Variants in ZNF804B observed in about 807,000 individuals in gnomAD.
ZNF804B encodes the protein zinc finger protein 804B.
In ZNF804B, 80 loss-of-function variants were observed where a neutral mutation model predicts 101.4. The ratio of observed to expected loss-of-function variants is 0.79; its 90% CI spans 0.66 to 0.95. The LOEUF (loss-of-function observed/expected upper bound fraction) is 0.95, where lower values mean the gene tolerates loss of function less well. Among genes scored for constraint, ZNF804B ranks in the 40% least tolerant of loss-of-function variants. The pLI is 0.00. For missense variants in ZNF804B, 1,673 were observed against 1,561.9 expected (o/e 1.07, Z -1.20); for synonymous variants, 622 against 558.8 (o/e 1.11, Z -1.59).
At chr7:89,147,467 ATTAAATCATTGTT>A (rs1380362090) in intron 1 of ZNF804B, among the ~76,000 whole-genome samples, 1 of 152,132 alleles carries the variant, frequency 6.6e-6, no homozygotes, top group Non-Finnish European at 1.5e-5. Context: ...TTCATGTTGA[ATTAAATCATTGTT>A]TTAAATTATT....
At chr7:88,769,500 T>C (rs1790031836) in intron 1 of ZNF804B, among the ~76,000 whole-genome samples, 1 of 152,224 alleles carries the variant, frequency 6.6e-6, no homozygotes, top group African/African-American at 2.4e-5. Flanking sequence ...TGAAGACTGG[T>C]ATATATAAAT....
intron 2 of ZNF804B, among the ~76,000 whole-genome samples, chr7:89,313,259 G>A (rs1252026686): frequency 6.6e-6 from 1 of 152,114 alleles, no homozygotes; most frequent in African/African-American, 2.4e-5. Context: ...TTAAAATTAG[G>A]TTAATAATTT....
At chr7:89,127,308 GTC>G (rs1790487638) in intron 1 of ZNF804B, among the ~76,000 whole-genome samples, 1 of 151,762 alleles carries the variant, frequency 6.6e-6, no homozygotes, top group African/African-American at 2.4e-5. Context: ...TTTGTTTTTG[GTC>G]TGTTTTTCAA....
intron 1 of ZNF804B, among the ~76,000 whole-genome samples, chr7:88,822,046 C>T (rs572296976): frequency 6.6e-6 from 1 of 152,224 alleles, no homozygotes; most frequent in Non-Finnish European, 1.5e-5. Flanking sequence ...GTCATTGACT[C>T]CTGTACAAAT....
At chr7:88,974,099 A>G (rs1013039602) in intron 1 of ZNF804B, among the ~76,000 whole-genome samples, 4 of 151,420 alleles carry the variant, frequency 2.6e-5, no homozygotes, top group Middle Eastern at 3.4e-3. Flanking sequence ...TAGGGGATAT[A>G]TAGGGATTCC....
At chr7:89,282,026 C>A (rs935811553) in intron 2 of ZNF804B, among the ~76,000 whole-genome samples, 1 of 151,532 alleles carries the variant, frequency 6.6e-6, no homozygotes, top group Non-Finnish European at 1.5e-5. Context: ...ACGGTGAAAC[C>A]CCGTCTCTAC....
chr7:89,100,087 CTTGGG>C (rs1790031879), intron 1 of ZNF804B, among the ~76,000 whole-genome samples: 2 of 151,974 alleles, frequency 1.3e-5, no homozygotes, highest in Admixed American at 6.6e-5. Flanking sequence ...CAGTTTTTCC[CTTGGG>C]AAAAATGACA....
intron 2 of ZNF804B, among the ~76,000 whole-genome samples, chr7:89,232,764 A>C (rs148512943): frequency 6.6e-6 from 1 of 152,186 alleles, no homozygotes; most frequent in East Asian, 1.9e-4. Flanking sequence ...TATTTTTCTC[A>C]GTAAGTCTAG....
intron 1 of ZNF804B, among the ~76,000 whole-genome samples, chr7:88,855,688 G>C (rs919422052): frequency 8.5e-5 from 13 of 152,220 alleles, no homozygotes; most frequent in Admixed American, 7.2e-4. Context: ...CCATGCCTAT[G>C]TCCTGAATGG....
chr7:88,996,285 A>G (rs1032525544), intron 1 of ZNF804B, among the ~76,000 whole-genome samples: 1 of 152,078 alleles, frequency 6.6e-6, no homozygotes, highest in African/African-American at 2.4e-5. Context: ...TAGTGACCCT[A>G]TGTTATATAT....
intron 1 of ZNF804B, among the ~76,000 whole-genome samples, chr7:88,781,411 AC>A (rs1328368663): frequency 6.6e-6 from 1 of 151,850 alleles, no homozygotes; most frequent in African/African-American, 2.4e-5. Flanking sequence ...CAGCCTACTG[AC>A]TCCTTGTTGT....
chr7:89,128,523 A>T (rs1362846502), intron 1 of ZNF804B, among the ~76,000 whole-genome samples: 1 of 151,970 alleles, frequency 6.6e-6, no homozygotes, highest in Non-Finnish European at 1.5e-5. Flanking sequence ...TCCCAGTCAG[A>T]TGCAGAAAAT....
chr7:89,033,968 A>G (rs1788883100), intron 1 of ZNF804B, among the ~76,000 whole-genome samples: 1 of 152,072 alleles, frequency 6.6e-6, no homozygotes, highest in South Asian at 2.1e-4. Context: ...TTACAATACA[A>G]GTTTCATTGT....
At chr7:88,905,567 C>T (rs1792457310) in intron 1 of ZNF804B, among the ~76,000 whole-genome samples, 1 of 152,106 alleles carries the variant, frequency 6.6e-6, no homozygotes, top group South Asian at 2.1e-4. Context: ...CCATGTTGGC[C>T]AGGCTAGCCT....
chr7:89,118,300 CTA>C (rs1383032306), intron 1 of ZNF804B, among the ~76,000 whole-genome samples: 2 of 152,050 alleles, frequency 1.3e-5, no homozygotes, highest in Non-Finnish European at 2.9e-5. Context: ...CCAGGTCTGC[CTA>C]TGTCTTTTCT....
intron 1 of ZNF804B, among the ~76,000 whole-genome samples, chr7:88,926,120 A>G (rs1470337129): frequency 6.6e-6 from 1 of 152,152 alleles, no homozygotes; most frequent in African/African-American, 2.4e-5. Flanking sequence ...CTATGGAAAT[A>G]TGTGACAATT....
chr7:88,893,311 G>A (rs1055805787), intron 1 of ZNF804B, among the ~76,000 whole-genome samples: 1 of 151,700 alleles, frequency 6.6e-6, no homozygotes, highest in Non-Finnish European at 1.5e-5. Context: ...ACCATTTTTG[G>A]GACATACTTA....
At chr7:89,241,071 CTG>C (rs1370802117) in intron 2 of ZNF804B, among the ~76,000 whole-genome samples, 6 of 152,116 alleles carry the variant, frequency 3.9e-5, no homozygotes, top group Non-Finnish European at 7.4e-5. Flanking sequence ...ATCTCTGTCT[CTG>C]TGTCTGAGGC....
chr7:88,773,107 C>T (rs900272751), intron 1 of ZNF804B, among the ~76,000 whole-genome samples: 1 of 152,132 alleles, frequency 6.6e-6, no homozygotes, highest in Non-Finnish European at 1.5e-5. Context: ...CCAATTAATT[C>T]CACCTCTAAG....
Sources: gnomAD v4.1 joint callset for allele counts (sites outside exome capture counted in the v4.1 genomes callset) on GRCh38, gnomAD v4.1.1 for gene constraint, MANE v1.5 for transcripts, NCBI Gene and HGNC (gene_info 2026-07-23, HGNC 2026-07-21) for gene names.